LGR5: variants seen among roughly 807,000 people sequenced by gnomAD.
LGR5 encodes leucine-rich repeat-containing G protein-coupled receptor 5.
A neutral mutation model predicts 76.7 loss-of-function variants in LGR5; 54 were observed. The observed-to-expected ratio is 0.70, with a 90% CI of 0.57 to 0.88. The LOEUF is 0.88. LGR5 is among the 40% of genes least tolerant of loss of function. LGR5 has a pLI of 0.00. For missense variants in LGR5, 1,078 were observed against 1,073.3 expected, an observed-to-expected ratio of 1.00 and a Z score of -0.06; for synonymous variants, 406 against 421.9, an observed-to-expected ratio of 0.96 and a Z score of 0.46.
chr12:71,473,073 T>C (rs933409434), intron 1 of LGR5, among the ~76,000 whole-genome samples: 1 of 152,342 alleles, frequency 6.6e-6, no homozygotes, highest in Non-Finnish European at 1.5e-5. Flanking sequence ...CAATAATTCA[T>C]ATATGAACAT....
chr12:71,570,184 A>C (rs890628200), intron 11 of LGR5, among the ~76,000 whole-genome samples: 5 of 152,290 alleles, frequency 3.3e-5, no homozygotes, highest in African/African-American at 1.2e-4. Context: ...GGAAAGCATT[A>C]AGGAAAAAAG....
At chr12:71,574,406 C>G (rs1374280120) in intron 13 of LGR5, among the ~76,000 whole-genome samples, 2 of 151,800 alleles carry the variant, frequency 1.3e-5, no homozygotes, top group African/African-American at 4.8e-5. Context: ...CCTTCTTCCC[C>G]TGTGACCTCA....
At chr12:71,442,471 G>A (rs1440779182) in intron 1 of LGR5, among the ~76,000 whole-genome samples, 1 of 152,118 alleles carries the variant, frequency 6.6e-6, no homozygotes, top group Non-Finnish European at 1.5e-5. Context: ...TTTTCCCAGT[G>A]CCCTGTGAAA....
At chr12:71,545,836 A>G (rs1565740631) in intron 4 of LGR5, among the ~76,000 whole-genome samples, 2 of 152,324 alleles carry the variant, frequency 1.3e-5, no homozygotes, top group East Asian at 3.9e-4. Context: ...GATCTGATAC[A>G]TTCTCTAATC....
intron 4 of LGR5, among the ~76,000 whole-genome samples, chr12:71,544,196 T>C (rs1163644242): frequency 6.6e-6 from 1 of 151,792 alleles, no homozygotes; most frequent in Non-Finnish European, 1.5e-5. Context: ...TCTAAATTAC[T>C]GCACTTCAAT....
intron 1 of LGR5, among the ~76,000 whole-genome samples, chr12:71,484,404 A>T (rs7975621): frequency 0.82 from 124,587 of 152,192 alleles, 51,432 homozygotes; most frequent in African/African-American, 0.93. Context: ...ATCACTATTA[A>T]TATTTGAGCT....
At chr12:71,470,633 T>C (rs1873056662) in intron 1 of LGR5, among the ~76,000 whole-genome samples, 1 of 152,218 alleles carries the variant, frequency 6.6e-6, no homozygotes, top group Admixed American at 6.5e-5. Context: ...AGCAAAATAA[T>C]GAGTTTGGGA....
At chr12:71,474,173 AT>A (rs1873225075) in intron 1 of LGR5, among the ~76,000 whole-genome samples, 1 of 152,048 alleles carries the variant, frequency 6.6e-6, no homozygotes, top group Non-Finnish European at 1.5e-5. Flanking sequence ...TTCACTTTTC[AT>A]TGATAACTGC....
rs1338319131 is a variant in LGR5 at position 71,578,013 on chromosome 12, T to C, written c.1280+17T>C. 1 of 1,564,292 alleles carries C rather than the reference T, an allele frequency of 6.4e-7. No individual in the cohort carries two copies. The highest frequency in any genetic ancestry group is 8.8e-7 in the Non-Finnish European group (1 of 1,135,044). ...AATAAAGCTGTGAGTATTCCACAAC[T>C]TGTTTATGGTATGTCTCTTAATAAT... On this transcript the variant is annotated intron_variant, in intron 14 of 17. Transcript: ENST00000266674.
intron 3 of LGR5, among the ~76,000 whole-genome samples, chr12:71,534,827 A>C (rs1380466553): frequency 6.6e-6 from 1 of 152,094 alleles, no homozygotes; most frequent in Non-Finnish European, 1.5e-5. Flanking sequence ...TTTCAGAGAG[A>C]CCTTCCCTGA....
intron 2 of LGR5, among the ~76,000 whole-genome samples, chr12:71,510,593 C>T (rs17815010): frequency 1.3e-5 from 2 of 152,164 alleles, no homozygotes. Flanking sequence ...TGTGTTTGTT[C>T]CATTCATTCA....
At chr12:71,560,041 T>C (rs1378579417) in intron 7 of LGR5, among the ~76,000 whole-genome samples, 2 of 152,170 alleles carry the variant, frequency 1.3e-5, no homozygotes, top group Non-Finnish European at 2.9e-5. Context: ...GTTGCATAAG[T>C]CTAGAAATAA....
intron 2 of LGR5, among the ~76,000 whole-genome samples, chr12:71,522,824 A>T (rs1041327379): frequency 1.7e-4 from 26 of 152,172 alleles, no homozygotes; most frequent in Admixed American, 1.7e-3. Context: ...TGGATCTGGA[A>T]GGGACCCAAG....
intron 2 of LGR5, among the ~76,000 whole-genome samples, chr12:71,511,653 A>G (rs1020253449): frequency 6.6e-6 from 1 of 152,154 alleles, no homozygotes; most frequent in Non-Finnish European, 1.5e-5. Flanking sequence ...TAGCTACCAC[A>G]TTTTGAAAAT....
intron 13 of LGR5, among the ~76,000 whole-genome samples, chr12:71,575,919 T>G (rs1317010164): frequency 6.6e-6 from 1 of 152,070 alleles, no homozygotes; most frequent in African/African-American, 2.4e-5. Context: ...TAAGAAGGGA[T>G]AAGATCATGT....
intron 1 of LGR5, among the ~76,000 whole-genome samples, chr12:71,458,421 C>A (rs1159413337): frequency 6.6e-6 from 1 of 152,008 alleles, no homozygotes; most frequent in East Asian, 1.9e-4. Context: ...ATTTAAAGAC[C>A]AATATTCTAC....
intron 16 of LGR5, among the ~76,000 whole-genome samples, chr12:71,581,348 TC>T (rs1879083425): frequency 6.6e-6 from 1 of 152,206 alleles, no homozygotes; most frequent in Non-Finnish European, 1.5e-5. Flanking sequence ...CAACAATGCC[TC>T]TCAAACCACA....
chr12:71,580,147 A>G (rs544538744), intron 15 of LGR5, 131 bp from the exon 16 acceptor site: 19 of 767,746 alleles, frequency 2.5e-5, no homozygotes, highest in Admixed American at 2.8e-5. Flanking sequence ...CTTTATGTGC[A>G]TAACTTATAC....
rs1879038627 is a variant in LGR5, at chr12:71,580,364, G to A, written c.1493G>A (p.Gly498Asp). The change falls in exon 16 of 18, where the codon GGT becomes GAT. Residue 498 changes from glycine to aspartate, a missense_variant. Gly to Asp is a moderately conservative substitution (Grantham distance 94). Transcript: ENST00000266674. ...AAGATTTCTAATCAATGGAATAAAG[G>A]TGACAACAGCAGTATGGACGACCTT... is the stretch of plus-strand genomic sequence containing the variant. ...AYKISNQWNKGDNSSMDDLHK... is the reference protein window; with the variant it reads ...AYKISNQWNKDDNSSMDDLHK... The A allele has an allele frequency of 1.2e-6, 2 of 1,614,072 alleles. No individual in the cohort carries two copies. Among genetic ancestry groups the A allele is most frequent in the Non-Finnish European group, 1.7e-6 (2 of 1,179,942 alleles).
Sources: gnomAD v4.1 joint callset for allele counts (sites outside exome capture counted in the v4.1 genomes callset) on GRCh38, gnomAD v4.1.1 for gene constraint, MANE v1.5 for transcripts, NCBI Gene and HGNC (gene_info 2026-07-23, HGNC 2026-07-21) for gene names.